Variants in ZNF846 observed in about 807,000 individuals in gnomAD.
ZNF846 encodes the protein zinc finger protein 846, also known as zinc finger protein 420 pseudogene.
ZNF846 carries 15 observed loss-of-function variants against 16.0 expected under a neutral mutation model. That is an observed-to-expected ratio of 0.94 (90% confidence interval 0.63 to 1.45). The LOEUF (loss-of-function observed/expected upper bound fraction) is 1.45. Among genes scored for constraint, ZNF846 ranks in the 40% most tolerant of loss-of-function variants. The pLI, the probability that ZNF846 is intolerant of heterozygous loss-of-function variation, is 0.00. For synonymous variants in ZNF846, 229 were observed against 212.0 expected, an observed-to-expected ratio of 1.08 and a Z score of -0.70; for missense variants, 714 against 622.3, an observed-to-expected ratio of 1.15 and a Z score of -1.57.
intron 1 of ZNF846, among the ~76,000 whole-genome samples, chr19:9,766,643 C>A (rs2045319870): frequency 6.6e-6 from 1 of 152,018 alleles, no homozygotes. Flanking sequence ...TTTGGGAGGC[C>A]GAGGTGAGTG....
downstream of ZNF846, chr19:9,755,515 A>C (rs1172256154): frequency 2.0e-5 from 3 of 151,488 alleles, no homozygotes; most frequent in Non-Finnish European, 4.4e-5. Context: ...TAAAAGTATT[A>C]CCAGGCCGGG....
intron 5 of ZNF846, among the ~76,000 whole-genome samples, chr19:9,759,291 C>T (rs909353091): frequency 3.3e-5 from 5 of 150,150 alleles, no homozygotes; most frequent in Admixed American, 1.3e-4. Flanking sequence ...AGCCACAATA[C>T]ATCTGAGAAT....
At chr19:9,777,054 A>T (rs931281545) in intron 1 of ZNF846, among the ~76,000 whole-genome samples, 7 of 151,696 alleles carry the variant, frequency 4.6e-5, no homozygotes, top group Non-Finnish European at 1.0e-4. Flanking sequence ...GCCCTAAAGG[A>T]CTAAAAAATC....
At chr19:9,773,069 AAAAG>A, upstream of ZNF846, among the ~76,000 whole-genome samples, 1 of 150,224 alleles carries the variant, frequency 6.7e-6, no homozygotes, top group African/African-American at 2.4e-5. Context: ...TAAAGAAAAG[AAAAG>A]AAAAAAAATC....
At chr19:9,761,476 G>T (rs1004285837) in intron 4 of ZNF846, among the ~76,000 whole-genome samples, 1 of 152,034 alleles carries the variant, frequency 6.6e-6, no homozygotes, top group Non-Finnish European at 1.5e-5. Flanking sequence ...ACTTTGGGAG[G>T]CTGAGGCAGG....
downstream of ZNF846, chr19:9,756,345 G>GTATATATATATA (rs369347660): frequency 2.2e-3 from 177 of 81,694 alleles, 1 homozygote; most frequent in African/African-American, 6.8e-3. Context: ...GTGTGTGTGT[G>GTATATATATATA]TATATATATA....
intron 1 of ZNF846, among the ~76,000 whole-genome samples, chr19:9,778,177 A>G (rs931637927): frequency 1.3e-5 from 2 of 152,240 alleles, no homozygotes; most frequent in African/African-American, 4.8e-5. Flanking sequence ...AAAGGAAGAC[A>G]TGGAAAAACT....
chr19:9,757,942 A>G, exon 6 of ZNF846: 3 of 1,613,498 alleles, frequency 1.9e-6, no homozygotes, highest in Non-Finnish European at 2.5e-6. Context: ...ACAAGTCCTG[A>G]GGAACGAGTA....
At chr19:9,767,432 C>T (rs1466743796) in intron 1 of ZNF846, among the ~76,000 whole-genome samples, 3 of 120,990 alleles carry the variant, frequency 2.5e-5, no homozygotes, top group East Asian at 4.9e-4. Context: ...TTACCGCACC[C>T]GGCCAATACA....
chr19:9,765,947 T>TAC (rs2045308631), intron 1 of ZNF846, among the ~76,000 whole-genome samples: 1 of 152,042 alleles, frequency 6.6e-6, no homozygotes, highest in South Asian at 2.1e-4. Context: ...TATATATATA[T>TAC]ACACATATAT....
At chr19:9,753,668 A>G (rs1274564149), downstream of ZNF846, among the ~76,000 whole-genome samples, 2 of 151,742 alleles carry the variant, frequency 1.3e-5, no homozygotes, top group Non-Finnish European at 2.9e-5. Context: ...TGCTTCACCC[A>G]TTGATAGATC....
At chr19:9,762,654 A>C (rs775619690) in intron 3 of ZNF846, among the ~76,000 whole-genome samples, 2 of 152,220 alleles carry the variant, frequency 1.3e-5, no homozygotes, top group African/African-American at 2.4e-5. Flanking sequence ...CTTTATTTTC[A>C]TGGGGAATCC....
At position 9,758,428 on chromosome 19, in the gene ZNF846, T is replaced by C. The variant is rs1369450784; in HGVS notation, c.649A>G (p.Ile217Val). ...TGTTTGTCTCCATTGTGAGATCTTA[T>C]ATGTAACTTAAGGGATGACTGATTA... The change falls in exon 6 of 6, where the codon ATA becomes GTA. Residue 217 changes from isoleucine (I) to valine (V), a missense_variant. By Grantham distance (29) the Ile-to-Val change is conservative. Coordinates refer to ENST00000397902, the Ensembl canonical transcript of ZNF846. The C allele has an allele frequency of 1.1e-5, 17 of 1,612,950 alleles. No individual in the cohort carries two copies. The highest frequency in any genetic ancestry group is 7.7e-5 in the South Asian group (7 of 91,008).
intron 1 of ZNF846, chr19:9,774,729 A>G: frequency 6.5e-7 from 1 of 1,545,640 alleles, no homozygotes; most frequent in African/African-American, 1.4e-5. Flanking sequence ...TATCACCCAA[A>G]TATCGACGAA....
At chr19:9,748,821 C>A (rs373006119), downstream of ZNF846, among the ~76,000 whole-genome samples, 1 of 152,046 alleles carries the variant, frequency 6.6e-6, no homozygotes, top group Non-Finnish European at 1.5e-5. Context: ...CTTGCTGGGC[C>A]CCCACCTTGT....
upstream of ZNF846, among the ~76,000 whole-genome samples, chr19:9,773,247 A>G (rs543237483): frequency 2.0e-5 from 3 of 152,254 alleles, no homozygotes; most frequent in South Asian, 6.2e-4. Flanking sequence ...AGGCTGGATC[A>G]AACTCCTGGG....
downstream of ZNF846, among the ~76,000 whole-genome samples, chr19:9,755,922 C>T (rs899799944): frequency 7.0e-6 from 1 of 142,548 alleles, no homozygotes; most frequent in African/African-American, 2.7e-5. Context: ...CTCACTGCAA[C>T]CTCTGTCTCC....
downstream of ZNF846, among the ~76,000 whole-genome samples, chr19:9,749,542 CTTTCT>C (rs1568317310): frequency 7.5e-6 from 1 of 133,698 alleles, no homozygotes; most frequent in Admixed American, 7.9e-5. Context: ...CCTGATAAGT[CTTTCT>C]TTTTTTTTTT....
At chr19:9,749,175 G>A (rs768957048), downstream of ZNF846, among the ~76,000 whole-genome samples, 3 of 151,988 alleles carry the variant, frequency 2.0e-5, no homozygotes, top group East Asian at 1.9e-4. Flanking sequence ...AAACTCACTC[G>A]CATTTCTGAA....
Sources: allele counts gnomAD v4.1 joint callset (sites outside exome capture counted in the v4.1 genomes callset), GRCh38; gene constraint gnomAD v4.1.1; transcripts MANE v1.5; gene names NCBI Gene and HGNC (gene_info 2026-07-23, HGNC 2026-07-21).